ATR: variants seen among roughly 807,000 people sequenced by gnomAD.
The protein encoded by ATR is serine/threonine-protein kinase ATR.
ATR carries 142 observed loss-of-function variants against 305.3 expected under a neutral mutation model. That is an observed-to-expected ratio of 0.47 (90% confidence interval 0.41 to 0.53). The LOEUF is 0.53. Ranked by LOEUF, ATR falls within the 20% of genes least tolerant of loss-of-function variation. ATR has a pLI of 0.00. For missense variants in ATR, 2,135 were observed against 3,133.1 expected (o/e 0.68, Z 7.60); for synonymous variants, 1,050 against 1,068.1 (o/e 0.98, Z 0.33).
chr3:142,521,422 C>G (rs1037355871), intron 23 of ATR, among the ~76,000 whole-genome samples: 1 of 152,188 alleles, frequency 6.6e-6, no homozygotes, highest in Non-Finnish European at 1.5e-5. Flanking sequence ...GTAATTTTGA[C>G]TTTCAAGTTT....
chr3:142,496,890 G>T (rs2031678797), intron 33 of ATR, 123 bp downstream of exon 33: 1 of 1,152,000 alleles, frequency 8.7e-7, no homozygotes, highest in Non-Finnish European at 1.2e-6. Flanking sequence ...GTGTAGCCCT[G>T]ATCATTAAAA....
At chr3:142,452,368 C>T in intron 46 of ATR, 1 of 987,242 alleles carries the variant, frequency 1.0e-6, no homozygotes, top group Non-Finnish European at 1.2e-6. Context: ...TCAATCTATT[C>T]TAACTTATTA....
At chr3:142,491,174 C>G (rs1487292547) in intron 35 of ATR, among the ~76,000 whole-genome samples, 1 of 152,122 alleles carries the variant, frequency 6.6e-6, no homozygotes, top group Non-Finnish European at 1.5e-5. Context: ...ACCCATTAAT[C>G]TACCTTCTGT....
intron 36 of ATR, among the ~76,000 whole-genome samples, chr3:142,480,013 T>A (rs1451129468): frequency 1.3e-5 from 2 of 152,202 alleles, no homozygotes; most frequent in African/African-American, 4.8e-5. Context: ...GGTTTTTAAC[T>A]TCTTTGCCAT....
rs200943610 is a variant in ATR at position 142,562,081 on chromosome 3, G to GT, written c.1170+150_1170+151insA. On this transcript the variant is annotated intron_variant, in intron 4 of 46. Transcript: ENST00000350721. ...AATCAAAGTAAAAGTCCATAATAGTGAGCCAGACTACACTATGAAAATCAT... is the reference window on the plus strand; with the variant it reads ...AATCAAAGTAAAAGTCCATAATAGTGTAGCCAGACTACACTATGAAAATCAT... The GT allele has an allele frequency of 0.14, 126,097 of 907,376 alleles. 9,200 individuals are homozygous for GT. Among genetic ancestry groups the GT allele is most frequent in the Non-Finnish European group, 0.15 (91,978 of 619,388 alleles). 56.2% of individuals were successfully genotyped at this position (907,376 alleles called of 1,614,324 possible).
Position 142,515,384 on chromosome 3 carries a change from G to A in ATR, c.4503+11C>T. The A allele has an allele frequency of 2.5e-6, 4 of 1,613,740 alleles. No individual in the cohort carries two copies. Among genetic ancestry groups the A allele is most frequent in the Non-Finnish European group, 3.4e-6 (4 of 1,179,836 alleles). ...TTCCATTCAGTTAACAAACTGAACA[G>A]GGTTTCTTACCTTTGTAATAAGATA... On this transcript the variant is annotated intron_variant, in intron 25 of 46. Coordinates refer to ENST00000350721, the MANE Select transcript of ATR (RefSeq NM_001184.4).
chr3:142,528,877 ATATTTTTT>A (rs1486695024), intron 21 of ATR, among the ~76,000 whole-genome samples: 28 of 47,692 alleles, frequency 5.9e-4, no homozygotes, highest in African/African-American at 3.9e-3. Flanking sequence ...ATATATATAT[ATATTTTTT>A]TTTTTTTTTT....
chr3:142,553,485 C>T (rs2108463454), intron 12 of ATR, 87 bp from the exon 13 acceptor site: 4 of 1,487,080 alleles, frequency 2.7e-6, no homozygotes, highest in East Asian at 2.3e-5. Context: ...TCTCCAATAT[C>T]CCAGAAACAA....
chr3:142,479,155 G>A (rs577420560), intron 36 of ATR, among the ~76,000 whole-genome samples: 14 of 152,152 alleles, frequency 9.2e-5, no homozygotes, highest in East Asian at 5.8e-4. Flanking sequence ...TATTTTGCTC[G>A]TTAGTTGATG....
Position 142,485,339 on chromosome 3 carries a change from T to C in ATR, c.6079-57A>G. 3.8e-6 allele frequency: 6 copies of C among 1,589,284 alleles called. No individual in the cohort carries two copies. The South Asian group carries it at 5.6e-5, about 15-fold the overall frequency. On this transcript the variant is annotated intron_variant, in intron 35 of 46. Transcript: ENST00000350721. ...GGAAATCCCACGCTATGCTGGGAAG[T>C]AAAATATGAATAGATGATTAGGGAT...
chr3:142,487,552 T>C (rs2031020330), intron 35 of ATR, among the ~76,000 whole-genome samples: 1 of 152,240 alleles, frequency 6.6e-6, no homozygotes, highest in African/African-American at 2.4e-5. Flanking sequence ...TATAAGAATA[T>C]GCTACAACAT....
At chr3:142,479,497 C>T (rs2030246499) in intron 36 of ATR, among the ~76,000 whole-genome samples, 1 of 152,256 alleles carries the variant, frequency 6.6e-6, no homozygotes, top group East Asian at 1.9e-4. Flanking sequence ...GTAACCCGAC[C>T]TTTCTCTCTG....
intron 25 of ATR, among the ~76,000 whole-genome samples, chr3:142,514,681 C>A (rs1161015295): frequency 6.7e-6 from 1 of 150,236 alleles, no homozygotes; most frequent in Non-Finnish European, 1.5e-5. Flanking sequence ...ATGACTCATG[C>A]CTGTAATCCC....
intron 31 of ATR, among the ~76,000 whole-genome samples, chr3:142,499,404 C>G (rs1464927938): frequency 1.3e-5 from 2 of 151,930 alleles, no homozygotes; most frequent in African/African-American, 2.4e-5. Flanking sequence ...AAGCAATTCT[C>G]CTGCCTCAGC....
intron 30 of ATR, among the ~76,000 whole-genome samples, chr3:142,502,122 G>A (rs2108349373): frequency 6.6e-6 from 1 of 152,134 alleles, no homozygotes; most frequent in East Asian, 1.9e-4. Context: ...ATACACTGTT[G>A]GTGGGAATAT....
intron 36 of ATR, 54 bp downstream of exon 36, chr3:142,485,085 TA>T: frequency 6.2e-7 from 1 of 1,602,258 alleles, no homozygotes; most frequent in Non-Finnish European, 8.6e-7. Context: ...ACAGTTTCAA[TA>T]TTAATAGTCA....
Position 142,505,477 on chromosome 3 carries a change from A to G in ATR, c.5032-174T>C, listed in dbSNP as rs1490146219. Among the ~76,000 whole-genome samples, 6 of 152,312 alleles carry G rather than the reference A, an allele frequency of 3.9e-5. No individual in the cohort carries two copies. In the East Asian group the frequency reaches 7.7e-4, roughly 20 times the overall value. On this transcript the variant is annotated intron_variant, in intron 28 of 46. Coordinates refer to ENST00000350721, the MANE Select transcript of ATR (RefSeq NM_001184.4). The stretch of plus-strand genomic sequence containing the variant: ...ACAGTAAAATTATAAACTTATTTCC[A>G]GGCATTCTATTCCCTCAACATTCTT...
At chr3:142,575,463 C>A (rs1165436042) in intron 1 of ATR, among the ~76,000 whole-genome samples, 5 of 107,972 alleles carry the variant, frequency 4.6e-5, no homozygotes, top group African/African-American at 2.1e-4. Context: ...GGCGAGACTC[C>A]GTCTCAAAAA....
intron 41 of ATR, among the ~76,000 whole-genome samples, chr3:142,463,918 T>A (rs1266727486): frequency 5.3e-5 from 8 of 152,246 alleles, no homozygotes; most frequent in African/African-American, 1.9e-4. Flanking sequence ...AATAATAAAG[T>A]TTCATCTTTC....
Sources: gnomAD v4.1 joint callset for allele counts (sites outside exome capture counted in the v4.1 genomes callset) on GRCh38, gnomAD v4.1.1 for gene constraint, MANE v1.5 for transcripts, NCBI Gene and HGNC (gene_info 2026-07-23, HGNC 2026-07-21) for gene names.